The following NDRG1 variants were observed in gnomAD, a reference collection of about 807,000 sequenced individuals.
NDRG1 encodes N-myc downstream regulated 1.
A neutral mutation model predicts 56.9 loss-of-function variants in NDRG1; 32 were observed. The ratio of observed to expected loss-of-function variants is 0.56; its 90% CI spans 0.42 to 0.76. The LOEUF is 0.76. Ranked by LOEUF, NDRG1 falls within the 30% of genes least tolerant of loss-of-function variation. The pLI, the probability that NDRG1 is intolerant of heterozygous loss-of-function variation, is 0.00. For missense variants in NDRG1, 507 were observed against 545.7 expected (o/e 0.93, Z 0.71); for synonymous variants, 211 against 204.1 (o/e 1.03, Z -0.29).
chr8:133,275,033 C>T (rs1263922571), intron 3 of NDRG1, among the ~76,000 whole-genome samples: 2 of 152,202 alleles, frequency 1.3e-5, no homozygotes, highest in Non-Finnish European at 2.9e-5. Flanking sequence ...TCAGATTATG[C>T]TGACCAGTCC....
intron 1 of NDRG1, among the ~76,000 whole-genome samples, chr8:133,290,995 C>T (rs1015658387): frequency 2.6e-4 from 39 of 152,324 alleles, no homozygotes; most frequent in African/African-American, 9.1e-4. Context: ...CTAGATTCCT[C>T]CCTACTGAGG....
At position 133,250,476 on chromosome 8, in the gene NDRG1, G is replaced by T; in HGVS notation, c.662C>A (p.Pro221His). The T allele has an allele frequency of 6.2e-7, 1 of 1,613,988 alleles. No individual in the cohort carries two copies. Among genetic ancestry groups the T allele is most frequent in the Admixed American group, 1.7e-5 (1 of 60,012 alleles). ...ATTGATGAACAGGTGCAGGTTGCCGGGGTTCATGTCATTCACAATGTGCTG... is the reference window on the plus strand; with the variant it reads ...ATTGATGAACAGGTGCAGGTTGCCGTGGTTCATGTCATTCACAATGTGCTG... ...YRQHIVNDMN[P>H]GNLHLFINAY... is the part of the protein sequence containing the mutation. Residue 221 changes from proline (P) to histidine (H), a missense_variant, in exon 10 of 16, where the codon CCC (proline) becomes CAC (histidine). Coordinates refer to ENST00000323851, the MANE Select transcript of NDRG1 (RefSeq NM_006096.4).
intron 9 of NDRG1, among the ~76,000 whole-genome samples, chr8:133,253,229 T>C (rs535218987): frequency 6.6e-6 from 1 of 152,284 alleles, no homozygotes; most frequent in East Asian, 1.9e-4. Context: ...ACTTCTAGCA[T>C]GCTGTGAGGG....
intron 7 of NDRG1, among the ~76,000 whole-genome samples, chr8:133,257,997 C>T (rs933818088): frequency 6.6e-6 from 1 of 152,144 alleles, no homozygotes; most frequent in Non-Finnish European, 1.5e-5. Context: ...GAAAACTTCC[C>T]GTGTCTGATT....
chr8:133,246,051 C>T (rs1033278824), intron 13 of NDRG1, among the ~76,000 whole-genome samples: 1 of 152,258 alleles, frequency 6.6e-6, no homozygotes, highest in Non-Finnish European at 1.5e-5. Context: ...CAGGGGTGCA[C>T]CCCGGCTGAG....
chr8:133,281,631 C>T (rs1316740618), intron 2 of NDRG1, among the ~76,000 whole-genome samples: 2 of 152,128 alleles, frequency 1.3e-5, no homozygotes, highest in Admixed American at 1.3e-4. Context: ...AACAAGACGG[C>T]TCAGCAGAGC....
chr8:133,238,853 C>G lies in NDRG1; in HGVS notation c.*25G>C. On this transcript the variant is annotated 3_prime_UTR_variant, in exon 16 of 16. Coordinates refer to ENST00000323851, the MANE Select transcript of NDRG1 (RefSeq NM_006096.4). Reference sequence around the variant, plus strand: ...GGGGGCCACTACAGAGATCAGAGTCCGGGGGCGGCAGCTGGGCAGGCCGCC... The same window carrying G: ...GGGGGCCACTACAGAGATCAGAGTCGGGGGGCGGCAGCTGGGCAGGCCGCC... 1 of 1,544,750 alleles carries G rather than the reference C, an allele frequency of 6.5e-7. No individual in the cohort carries two copies. The highest frequency in any genetic ancestry group is 8.7e-7 in the Non-Finnish European group (1 of 1,147,658).
intron 13 of NDRG1, 40 bp downstream of exon 13, chr8:133,246,576 A>G (rs1445877127): frequency 1.2e-6 from 2 of 1,605,824 alleles, no homozygotes; most frequent in Admixed American, 3.3e-5. Flanking sequence ...GAGAGTTTCT[A>G]AGAAATAACA....
intron 10 of NDRG1, 147 bp downstream of exon 10, chr8:133,250,293 G>T (rs1586421251): frequency 2.6e-6 from 2 of 781,694 alleles, no homozygotes; most frequent in East Asian, 5.2e-5. Flanking sequence ...CCTTCCTGGG[G>T]ACACCTGTCC....
intron 5 of NDRG1, among the ~76,000 whole-genome samples, chr8:133,260,439 C>T (rs111259758): frequency 0.02 from 3,059 of 152,286 alleles, 98 homozygotes; most frequent in African/African-American, 0.069. Flanking sequence ...CAGATGCACA[C>T]GAAAACCACA....
intron 15 of NDRG1, chr8:133,241,374 G>A (rs138612361): frequency 1.1e-3 from 173 of 157,704 alleles, no homozygotes; most frequent in Non-Finnish European, 1.1e-3. Context: ...AAATAAGAAC[G>A]AGTGAGTTCC....
chr8:133,249,742 G>A (rs1037239930), intron 10 of NDRG1, among the ~76,000 whole-genome samples: 1 of 152,236 alleles, frequency 6.6e-6, no homozygotes, highest in Non-Finnish European at 1.5e-5. Flanking sequence ...GGGCAGGATT[G>A]TAAAAGGAGG....
In NDRG1 at chr8:133,238,356, C is replaced by T. The variant is rs1855175149; in HGVS notation, c.*522G>A. 1 of 235,546 alleles carries T rather than the reference C, an allele frequency of 4.2e-6. No individual in the cohort carries two copies. The highest frequency in any genetic ancestry group is 5.6e-5 in the Admixed American group (1 of 17,906). The allele number at this position is 235,546 out of a possible 1,614,324, so 14.6% of individuals were successfully genotyped here. A position where few individuals can be genotyped will look rare whatever the true frequency, so the allele number is the denominator to read the frequency against. The stretch of plus-strand genomic sequence containing the variant: ...CTCGACATGAATCCCACCTTTTCCC[C>T]CTTCCTGTTTTGCCTGTTTAAAAGA... On this transcript the variant is annotated 3_prime_UTR_variant, in exon 16 of 16. Transcript: ENST00000323851.
intron 3 of NDRG1, among the ~76,000 whole-genome samples, chr8:133,267,679 C>T (rs1047885500): frequency 2.0e-5 from 3 of 152,178 alleles, no homozygotes; most frequent in Non-Finnish European, 4.4e-5. Context: ...CCCAGCTGAC[C>T]CACATGGCTC....
At chr8:133,267,325 G>A (rs1219702197) in intron 3 of NDRG1, among the ~76,000 whole-genome samples, 1 of 152,222 alleles carries the variant, frequency 6.6e-6, no homozygotes, top group Non-Finnish European at 1.5e-5. Context: ...GTTACCAGGT[G>A]AGGGTGGTGA....
chr8:133,262,273 T>G lies in NDRG1; in HGVS notation c.206-106A>C, dbSNP rs2233321. 6.2e-4 allele frequency: 889 copies of G among 1,423,470 alleles called. 8 individuals carry two copies. In the African/African-American group the frequency reaches 0.011, roughly 18 times the overall value. 88.2% of individuals were successfully genotyped at this position (1,423,470 alleles called of 1,614,324 possible). A position where few individuals can be genotyped will look rare whatever the true frequency, so the allele number is the denominator to read the frequency against. ...ATTTTGTTTCATTCCTATTCAGAAG[T>G]AGGAAGTGAACTTAGAAGAACACAG... is the stretch of plus-strand genomic sequence containing the variant. On this transcript the variant is annotated intron_variant, in intron 4 of 15. Coordinates refer to ENST00000323851, the MANE Select transcript of NDRG1 (RefSeq NM_006096.4).
chr8:133,296,758 T>C, intron 1 of NDRG1: 1 of 223,016 alleles, frequency 4.5e-6, no homozygotes, highest in Admixed American at 5.4e-5. Context: ...TGCACCCACG[T>C]CCAGCGCGCA....
In NDRG1 at chr8:133,238,167, G is replaced by A. The variant is rs16904866; in HGVS notation, c.*711C>T. On this transcript the variant is annotated 3_prime_UTR_variant, in exon 16 of 16. Transcript: ENST00000323851. Reference sequence around the variant, plus strand: ...AACGTTTGCTGAAATATTTTTGTCTGTAAAGCCAGGAGATTTTGTCGCCTG... The same window carrying A: ...AACGTTTGCTGAAATATTTTTGTCTATAAAGCCAGGAGATTTTGTCGCCTG... 7,671 of 232,960 alleles carry A rather than the reference G, an allele frequency of 0.033. 541 individuals are homozygous for A. The highest frequency in any genetic ancestry group is 0.15 in the African/African-American group (7,007 of 45,394). 14.4% of individuals were successfully genotyped at this position (232,960 alleles called of 1,614,324 possible).
At chr8:133,262,272 G>T in intron 4 of NDRG1, 105 bp from the exon 5 acceptor site, 1 of 1,415,288 alleles carries the variant, frequency 7.1e-7, no homozygotes, top group Non-Finnish European at 9.8e-7. Flanking sequence ...CTATTCAGAA[G>T]TAGGAAGTGA....
Sources: allele counts gnomAD v4.1 joint callset (sites outside exome capture counted in the v4.1 genomes callset), GRCh38; gene constraint gnomAD v4.1.1; transcripts MANE v1.5; gene names NCBI Gene and HGNC (gene_info 2026-07-23, HGNC 2026-07-21).